ITSN2: variants seen among roughly 807,000 people sequenced by gnomAD.
The protein encoded by ITSN2 is intersectin 2.
A neutral mutation model predicts 243.7 loss-of-function variants in ITSN2; 156 were observed. The ratio of observed to expected loss-of-function variants is 0.64; its 90% CI spans 0.56 to 0.73. ITSN2 has a LOEUF of 0.73. ITSN2 is among the 30% of genes least tolerant of loss of function. ITSN2 has a pLI of 0.00. For missense variants in ITSN2, 1,801 were observed against 1,996.1 expected, an observed-to-expected ratio of 0.90 and a Z score of 1.86; for synonymous variants, 703 against 699.9, an observed-to-expected ratio of 1.00 and a Z score of -0.07.
Position 24,275,825 on chromosome 2 carries a change from G to A in ITSN2, c.1969C>T (p.Gln657Ter). 1.2e-6 allele frequency: 2 copies of A among 1,609,648 alleles called. No individual in the cohort carries two copies. Among genetic ancestry groups the A allele is most frequent in the Non-Finnish European group, 1.7e-6 (2 of 1,178,040 alleles). ...TAAAGCTGTTCAAGGGCTAACTGCTGTGTGTTGTAGGTTTCTCTCAGTTCC... is the reference window on the plus strand; with the variant it reads ...TAAAGCTGTTCAAGGGCTAACTGCTATGTGTTGTAGGTTTCTCTCAGTTCC... Reference protein sequence around the residue: ...LKELRETYNTQQLALEQLYKI... With the variant: ...LKELRETYNT The change falls in exon 18 of 40, where the codon CAG (glutamine) becomes TAG (stop). Residue 657 changes from glutamine to a stop codon, truncating the protein, a stop_gained. Coordinates refer to ENST00000355123, the MANE Select transcript of ITSN2 (RefSeq NM_006277.3). LOFTEE classifies it high-confidence loss of function.
chr2:24,298,727 G>C lies in ITSN2; in HGVS notation c.1432C>G (p.Gln478Glu), dbSNP rs139536148. 21 of 1,611,518 alleles carry C rather than the reference G, an allele frequency of 1.3e-5. No homozygotes were observed. The African/African-American group carries it at 2.5e-4, about 20-fold the overall frequency. ...QELLNQKNRE[Q>E]EEIVRLNSKK... is the part of the protein sequence containing the mutation. ...GAGTTTAACCTGACAATTTCTTCTT[G>C]TTCTCTATTCTTTTGATTGAGAAGC... Residue 478 changes from glutamine to glutamate, a missense_variant, in exon 13 of 40, where the codon CAA (glutamine) becomes GAA (glutamate). Gln to Glu is a conservative substitution (Grantham distance 29). Transcript: ENST00000355123.
chr2:24,251,816 G>A (rs576751006), intron 25 of ITSN2, among the ~76,000 whole-genome samples: 72 of 151,454 alleles, frequency 4.8e-4, no homozygotes, highest in Non-Finnish European at 7.2e-4. Context: ...TTTCTGATAC[G>A]GTAAATATCA....
At chr2:24,214,564 G>C (rs1172707629) in intron 32 of ITSN2, 1 of 152,038 alleles carries the variant, frequency 6.6e-6, no homozygotes, top group African/African-American at 2.4e-5. Flanking sequence ...TTTCACATTT[G>C]TTAGCATGTC....
At chr2:24,218,398 A>G (rs1235643035) in intron 30 of ITSN2, among the ~76,000 whole-genome samples, 1 of 152,212 alleles carries the variant, frequency 6.6e-6, no homozygotes. Context: ...AGTTCTAGAC[A>G]ACAATTTGTG....
intron 32 of ITSN2, 46 bp downstream of exon 32, chr2:24,216,003 C>A: frequency 1.4e-6 from 2 of 1,460,056 alleles, no homozygotes; most frequent in South Asian, 1.4e-5. Context: ...GCTGTTGCCT[C>A]CAGCCTCAGA....
At chr2:24,287,999 CTTGA>C (rs1488834009) in intron 15 of ITSN2, among the ~76,000 whole-genome samples, 1 of 152,038 alleles carries the variant, frequency 6.6e-6, no homozygotes, top group Non-Finnish European at 1.5e-5. Flanking sequence ...GCCTTTTCAT[CTTGA>C]TTGTTTCCTT....
At chr2:24,344,315 C>T (rs1480217642) in intron 1 of ITSN2, among the ~76,000 whole-genome samples, 1 of 152,138 alleles carries the variant, frequency 6.6e-6, no homozygotes, top group East Asian at 1.9e-4. Flanking sequence ...GACAATACTT[C>T]TAGAAGTAGA....
chr2:24,316,926 C>T (rs555430470), intron 2 of ITSN2, among the ~76,000 whole-genome samples: 3 of 152,294 alleles, frequency 2.0e-5, no homozygotes, highest in South Asian at 2.1e-4. Flanking sequence ...GCTTGACCCA[C>T]GAAGGCCTAG....
chr2:24,315,323 G>A (rs926379076), intron 2 of ITSN2, 99 bp from the exon 3 acceptor site: 127 of 640,912 alleles, frequency 2.0e-4, no homozygotes, highest in Non-Finnish European at 2.3e-4. Flanking sequence ...TTGTATGACA[G>A]TATTTAATAT....
chr2:24,355,647 A>AAT (rs879442638), intron 1 of ITSN2, among the ~76,000 whole-genome samples: 29 of 152,394 alleles, frequency 1.9e-4, no homozygotes, highest in South Asian at 1.2e-3. Flanking sequence ...AAACCTAGGC[A>AAT]ATACCATTCA....
chr2:24,239,889 A>G (rs1672541883), intron 29 of ITSN2: 1 of 152,108 alleles, frequency 6.6e-6, no homozygotes, highest in Non-Finnish European at 1.5e-5. Context: ...TTAATATAGT[A>G]AATTTATTTT....
In ITSN2 at chr2:24,203,789, G is replaced by A. The variant is rs910925065; in HGVS notation, c.4937-6C>T. 5.0e-6 allele frequency: 8 copies of A among 1,612,048 alleles called. No homozygotes were observed. In the Admixed American group the frequency reaches 1.3e-4, roughly 27 times the overall value. On this transcript the variant is annotated splice_polypyrimidine_tract_variant and splice_region_variant and intron_variant, in intron 39 of 39. Transcript: ENST00000355123. Reference sequence around the variant, plus strand: ...TTCAGTACGACCCAGGAAATCTGGTGAATAAACACAGGAGAGTCAGAAGTC... The same window carrying A: ...TTCAGTACGACCCAGGAAATCTGGTAAATAAACACAGGAGAGTCAGAAGTC...
rs376638312 is a variant in ITSN2, at chr2:24,203,760, G to A, written c.4960C>T (p.Pro1654Ser). The change falls in exon 40 of 40, where the codon CCA (proline) becomes TCA (serine). Residue 1654 changes from proline to serine, a missense_variant. By Grantham distance (74) the Pro-to-Ser change is moderately conservative. Coordinates refer to ENST00000355123, the MANE Select transcript of ITSN2 (RefSeq NM_006277.3). Reference protein sequence around the residue: ...PDDFLGRTEIPVAKIRTEQES... With the variant: ...PDDFLGRTEISVAKIRTEQES... ...TGTTCTGTTCGAATTTTTGCCACTGGAATTTCAGTACGACCCAGGAAATCT... is the reference window on the plus strand; with the variant it reads ...TGTTCTGTTCGAATTTTTGCCACTGAAATTTCAGTACGACCCAGGAAATCT... The A allele has an allele frequency of 2.5e-5, 41 of 1,613,886 alleles. No individual in the cohort carries two copies. Among genetic ancestry groups the A allele is most frequent in the Non-Finnish European group, 3.0e-5 (35 of 1,179,976 alleles).
chr2:24,346,057 A>T (rs1198104083), intron 1 of ITSN2, among the ~76,000 whole-genome samples: 1 of 152,170 alleles, frequency 6.6e-6, no homozygotes, highest in Non-Finnish European at 1.5e-5. Flanking sequence ...ACCACTTGCG[A>T]TGTCTAGCAG....
intron 16 of ITSN2, among the ~76,000 whole-genome samples, 198 bp from the exon 17 acceptor site, chr2:24,285,041 C>T (rs1283486055): frequency 6.6e-6 from 1 of 151,884 alleles, no homozygotes; most frequent in African/African-American, 2.4e-5. Context: ...GGACTACAGG[C>T]GCATGCCACT....
At chr2:24,263,880 G>T (rs1342752950) in intron 20 of ITSN2, among the ~76,000 whole-genome samples, 1 of 152,048 alleles carries the variant, frequency 6.6e-6, no homozygotes, top group Non-Finnish European at 1.5e-5. Context: ...GTCTTCATAC[G>T]GACATATGTT....
At position 24,204,701 on chromosome 2, in the gene ITSN2, T is replaced by C. The variant is rs1309154832; in HGVS notation, c.4763-283A>G. 5.3e-6 allele frequency: 3 copies of C among 563,840 alleles called. No homozygotes were observed. The Admixed American group carries it at 6.6e-5, about 12-fold the overall frequency. The allele number at this position is 563,840 out of a possible 1,614,324, so 34.9% of individuals were successfully genotyped here. A position where few individuals can be genotyped will look rare whatever the true frequency, so the allele number is the denominator to read the frequency against. ...AGTGTCACTGCAACCTGCTGCATGC[T>C]TCCTCGGCGCAGACACACTCGGGAA... is the stretch of plus-strand genomic sequence containing the variant. On this transcript the variant is annotated intron_variant, in intron 38 of 39. Transcript: ENST00000355123. This position sits in a 1 kb window ranked among gnomAD's most constrained non-coding sequence, Gnocchi z 5.1.
chr2:24,355,463 A>G (rs1042961833), intron 1 of ITSN2, among the ~76,000 whole-genome samples: 1 of 152,220 alleles, frequency 6.6e-6, no homozygotes, highest in Admixed American at 6.5e-5. Flanking sequence ...AACAAACAAG[A>G]CAAAAACAAG....
intron 16 of ITSN2, 101 bp from the exon 17 acceptor site, chr2:24,284,944 T>A (rs1381415866): frequency 3.4e-6 from 2 of 583,572 alleles, no homozygotes; most frequent in Non-Finnish European, 5.9e-6. Context: ...GTCGCCAGGC[T>A]GGACTGCAGT....
Sources: allele counts gnomAD v4.1 joint callset (sites outside exome capture counted in the v4.1 genomes callset), GRCh38; gene constraint gnomAD v4.1.1; non-coding constraint Gnocchi (gnomAD v3.1); transcripts MANE v1.5; gene names NCBI Gene and HGNC (gene_info 2026-07-23, HGNC 2026-07-21).